KCNB2: variants seen among roughly 807,000 people sequenced by gnomAD.
The protein encoded by KCNB2 is delayed rectifier potassium channel protein.
KCNB2 carries 15 observed loss-of-function variants against 61.5 expected under a neutral mutation model. The observed-to-expected ratio is 0.24, with a 90% CI of 0.16 to 0.38. The LOEUF (loss-of-function observed/expected upper bound fraction) is 0.38, where lower values mean the gene tolerates loss of function less well. KCNB2 is among the 10% of genes least tolerant of loss of function. The pLI is 1.00. For synonymous variants in KCNB2, 457 were observed against 446.0 expected (o/e 1.02, Z -0.31); for missense variants, 828 against 1,125.2 (o/e 0.74, Z 3.78).
At chr8:72,729,760 G>A (rs988479607) in intron 2 of KCNB2, among the ~76,000 whole-genome samples, 1 of 152,072 alleles carries the variant, frequency 6.6e-6, no homozygotes, top group African/African-American at 2.4e-5. Flanking sequence ...GCACATGTTT[G>A]TAATCCCAGC....
chr8:72,805,595 A>G (rs540088258), intron 2 of KCNB2, among the ~76,000 whole-genome samples: 1 of 152,334 alleles, frequency 6.6e-6, no homozygotes, highest in East Asian at 1.9e-4. Flanking sequence ...ATCACAGTCT[A>G]TTGACCCAAA....
chr8:72,761,302 G>A (rs1808375445), intron 2 of KCNB2, among the ~76,000 whole-genome samples: 1 of 152,034 alleles, frequency 6.6e-6, no homozygotes, highest in Admixed American at 6.6e-5. Flanking sequence ...GTCATGCTAT[G>A]GGTTACCTGC....
At chr8:72,772,283 T>C (rs1342277881) in intron 2 of KCNB2, among the ~76,000 whole-genome samples, 1 of 152,236 alleles carries the variant, frequency 6.6e-6, no homozygotes, top group Non-Finnish European at 1.5e-5. Context: ...TACTCCATTT[T>C]GGACCAGATA....
At chr8:72,546,539 G>A (rs192592414) in intron 1 of KCNB2, among the ~76,000 whole-genome samples, 43 of 151,968 alleles carry the variant, frequency 2.8e-4, no homozygotes, top group Admixed American at 2.6e-3. Context: ...AAAGTGCAAG[G>A]TGAAGAAACA....
At chr8:72,662,469 T>C (rs1008510930) in intron 2 of KCNB2, among the ~76,000 whole-genome samples, 17 of 152,236 alleles carry the variant, frequency 1.1e-4, no homozygotes, top group African/African-American at 1.7e-4. Flanking sequence ...AAATATGAAC[T>C]GAGGCTACTG....
chr8:72,687,913 G>A (rs1310150860), intron 2 of KCNB2, among the ~76,000 whole-genome samples: 7 of 152,152 alleles, frequency 4.6e-5, no homozygotes, highest in Non-Finnish European at 4.4e-5. Context: ...CAAAAGCAGG[G>A]GATCCTACAT....
At chr8:72,908,170 C>T (rs1806212053) in intron 2 of KCNB2, among the ~76,000 whole-genome samples, 1 of 152,042 alleles carries the variant, frequency 6.6e-6, no homozygotes, top group Admixed American at 6.6e-5. Flanking sequence ...CTGGAGAGAT[C>T]TTTGAACTAT....
At chr8:72,565,557 A>G (rs1440498653) in intron 1 of KCNB2, among the ~76,000 whole-genome samples, 1 of 152,148 alleles carries the variant, frequency 6.6e-6, no homozygotes, top group Non-Finnish European at 1.5e-5. Flanking sequence ...GCTGCTGCAG[A>G]TCAGAATAAC....
intron 2 of KCNB2, among the ~76,000 whole-genome samples, chr8:72,700,911 C>T (rs1000966121): frequency 9.2e-5 from 14 of 152,084 alleles, no homozygotes; most frequent in Admixed American, 9.2e-4. Flanking sequence ...TAAAAAAGAA[C>T]AAAATCTCGT....
intron 1 of KCNB2, among the ~76,000 whole-genome samples, chr8:72,544,002 A>G (rs532529494): frequency 1.3e-5 from 2 of 152,338 alleles, no homozygotes; most frequent in East Asian, 1.9e-4. Flanking sequence ...TTTGCTAAAC[A>G]TTAGGGACAT....
chr8:72,655,436 A>G (rs1018862839), intron 2 of KCNB2, among the ~76,000 whole-genome samples: 3 of 152,072 alleles, frequency 2.0e-5, no homozygotes, highest in Non-Finnish European at 2.9e-5. Flanking sequence ...AACCTAAAAT[A>G]ACTGTTAAAA....
chr8:72,802,550 C>A (rs1303612142), intron 2 of KCNB2, among the ~76,000 whole-genome samples: 1 of 151,980 alleles, frequency 6.6e-6, no homozygotes, highest in Non-Finnish European at 1.5e-5. Context: ...TTTTTTGGGT[C>A]ATTTATGTGT....
chr8:72,851,889 C>T (rs1262996237), intron 2 of KCNB2, among the ~76,000 whole-genome samples: 1 of 128,430 alleles, frequency 7.8e-6, no homozygotes, highest in East Asian at 2.4e-4. Context: ...ACTGTCATTA[C>T]AGGTTCCTGA....
intron 1 of KCNB2, among the ~76,000 whole-genome samples, chr8:72,555,823 T>C (rs1806417908): frequency 6.6e-6 from 1 of 152,116 alleles, no homozygotes; most frequent in African/African-American, 2.4e-5. Flanking sequence ...GTTAGTTACA[T>C]ATGTATACAT....
chr8:72,825,773 G>T (rs1055256723), intron 2 of KCNB2, among the ~76,000 whole-genome samples: 3 of 152,146 alleles, frequency 2.0e-5, no homozygotes, highest in African/African-American at 7.2e-5. Context: ...GAGTTATAGA[G>T]TTCTTCATAT....
At chr8:72,790,720 C>A (rs1445168400) in intron 2 of KCNB2, among the ~76,000 whole-genome samples, 1 of 152,064 alleles carries the variant, frequency 6.6e-6, no homozygotes, top group African/African-American at 2.4e-5. Context: ...TTGAAAAACA[C>A]CTTACAGATA....
chr8:72,572,572 G>A (rs12056748), intron 2 of KCNB2, among the ~76,000 whole-genome samples: 68,468 of 149,514 alleles, frequency 0.46, 18,263 homozygotes, highest in Admixed American at 0.59. Flanking sequence ...CTCTCTCTGC[G>A]TCTCTCTCTC....
intron 2 of KCNB2, among the ~76,000 whole-genome samples, chr8:72,802,795 T>C (rs894900988): frequency 2.6e-5 from 4 of 152,192 alleles, no homozygotes; most frequent in Admixed American, 2.6e-4. Context: ...ATGGTTTTCA[T>C]GTTTGGTTAA....
intron 2 of KCNB2, among the ~76,000 whole-genome samples, chr8:72,719,889 G>GA (rs1342218899): frequency 7.9e-5 from 12 of 151,976 alleles, no homozygotes; most frequent in Admixed American, 6.5e-4. Flanking sequence ...AATATAACAG[G>GA]AAAAAGAAGA....
Sources: allele counts gnomAD v4.1 joint callset (sites outside exome capture counted in the v4.1 genomes callset), GRCh38; gene constraint gnomAD v4.1.1; transcripts MANE v1.5; gene names NCBI Gene and HGNC (gene_info 2026-07-23, HGNC 2026-07-21).